The following ST8SIA1 variants were observed in gnomAD, a reference collection of about 807,000 sequenced individuals.
The protein encoded by ST8SIA1 is alpha-N-acetylneuraminide alpha-2,8-sialyltransferase.
Under a neutral mutation model 35.9 loss-of-function variants are expected in ST8SIA1, and 16 were observed. The ratio of observed to expected loss-of-function variants is 0.45; its 90% CI spans 0.30 to 0.68. The LOEUF (loss-of-function observed/expected upper bound fraction) is 0.68, where lower values mean the gene tolerates loss of function less well. Among genes scored for constraint, ST8SIA1 ranks in the 30% least tolerant of loss-of-function variants. The pLI, the probability that ST8SIA1 is intolerant of heterozygous loss-of-function variation, is 0.09. For missense variants in ST8SIA1, 383 were observed against 453.6 expected (o/e 0.84, Z 1.41); for synonymous variants, 170 against 169.6 (o/e 1.00, Z -0.02).
At chr12:22,230,677 C>A (rs1277270197) in intron 4 of ST8SIA1, among the ~76,000 whole-genome samples, 2 of 152,142 alleles carry the variant, frequency 1.3e-5, no homozygotes, top group Non-Finnish European at 2.9e-5. Flanking sequence ...TTATAAACTA[C>A]TAACATTTCA....
At chr12:22,333,937 G>T in intron 1 of ST8SIA1, 60 bp downstream of exon 1, 1 of 1,472,128 alleles carries the variant, frequency 6.8e-7, no homozygotes, top group Non-Finnish European at 9.5e-7. Context: ...CGGTGACCCT[G>T]TCCTCTGCAC....
At position 22,198,155 on chromosome 12, in the gene ST8SIA1, T is replaced by C. The variant is rs1865009655; in HGVS notation, c.*3397A>G. On this transcript the variant is annotated 3_prime_UTR_variant, in exon 5 of 5. Coordinates refer to ENST00000396037, the MANE Select transcript of ST8SIA1 (RefSeq NM_003034.4). ...AGTTTTTAGTCTCTTCACCCTTCCT[T>C]TTGCCCCTATGGATCAGCCTAATTT... The C allele has an allele frequency of 6.6e-6, 1 of 152,124 alleles. No individual in the cohort carries two copies. Among genetic ancestry groups the C allele is most frequent in the African/African-American group, 2.4e-5 (1 of 41,434 alleles). The allele number at this position is 152,124 out of a possible 1,614,324, so 9.4% of individuals were successfully genotyped here. A position where few individuals can be genotyped will look rare whatever the true frequency, so the allele number is the denominator to read the frequency against.
At chr12:22,282,385 C>T (rs769447176) in intron 2 of ST8SIA1, among the ~76,000 whole-genome samples, 93 of 152,298 alleles carry the variant, frequency 6.1e-4, no homozygotes, top group Non-Finnish European at 1.1e-3. Flanking sequence ...AGTTGACAAA[C>T]GCAAGGCATT....
chr12:22,230,241 A>T (rs1865403549), intron 4 of ST8SIA1, among the ~76,000 whole-genome samples: 1 of 152,206 alleles, frequency 6.6e-6, no homozygotes, highest in Non-Finnish European at 1.5e-5. Context: ...ATATTTGAGG[A>T]ATGAAATCTC....
chr12:22,293,216 C>CT, intron 1 of ST8SIA1, among the ~76,000 whole-genome samples: 1 of 152,320 alleles, frequency 6.6e-6, no homozygotes, highest in East Asian at 1.9e-4. Flanking sequence ...GTAGGCATGT[C>CT]TGTAGGACTG....
At chr12:22,254,876 A>C (rs183875878) in intron 3 of ST8SIA1, among the ~76,000 whole-genome samples, 3 of 152,356 alleles carry the variant, frequency 2.0e-5, no homozygotes, top group South Asian at 2.1e-4. Context: ...ATTTGATCAA[A>C]AACTAAGAAG....
At chr12:22,253,139 C>T (rs1003868366) in intron 3 of ST8SIA1, among the ~76,000 whole-genome samples, 1 of 152,126 alleles carries the variant, frequency 6.6e-6, no homozygotes, top group Non-Finnish European at 1.5e-5. Context: ...TGCCTACTCC[C>T]GCTTCCTCCT....
intron 4 of ST8SIA1, 62 bp from the exon 5 acceptor site, chr12:22,202,100 ACT>A: frequency 6.8e-7 from 1 of 1,466,010 alleles, no homozygotes; most frequent in Non-Finnish European, 9.0e-7. Flanking sequence ...ACCAAAACCC[ACT>A]CTGTTGTCTT....
intron 1 of ST8SIA1, among the ~76,000 whole-genome samples, chr12:22,330,097 C>T (rs1211398893): frequency 6.6e-6 from 1 of 152,160 alleles, no homozygotes; most frequent in African/African-American, 2.4e-5. Context: ...CAAATCTCTC[C>T]GCCTTGATCT....
chr12:22,271,566 C>T (rs2216227), intron 2 of ST8SIA1, among the ~76,000 whole-genome samples: 39,718 of 151,888 alleles, frequency 0.26, 5,357 homozygotes, highest in Middle Eastern at 0.38. Context: ...TGAAGGGAAA[C>T]GTAAGAAATT....
At chr12:22,211,110 T>C (rs1865171002) in intron 4 of ST8SIA1, among the ~76,000 whole-genome samples, 1 of 152,234 alleles carries the variant, frequency 6.6e-6, no homozygotes, top group Admixed American at 6.5e-5. Flanking sequence ...ATTTAATTTG[T>C]CTAAAGTTTT....
chr12:22,320,654 G>A (rs77224204), intron 1 of ST8SIA1, among the ~76,000 whole-genome samples: 56 of 151,950 alleles, frequency 3.7e-4, no homozygotes, highest in African/African-American at 1.3e-3. Flanking sequence ...AGACCAGCCC[G>A]GGCAACATAG....
chr12:22,217,207 T>TA (rs1219789390), intron 4 of ST8SIA1, among the ~76,000 whole-genome samples: 1 of 152,226 alleles, frequency 6.6e-6, no homozygotes, highest in Non-Finnish European at 1.5e-5. Context: ...GTTCATCTCT[T>TA]ATGGTCTCTC....
chr12:22,239,437 C>T (rs10841983), intron 4 of ST8SIA1, among the ~76,000 whole-genome samples: 113,921 of 152,028 alleles, frequency 0.75, 42,837 homozygotes, highest in Middle Eastern at 0.87. Flanking sequence ...AATTCTCTCT[C>T]CAGTTATGTC....
At chr12:22,282,404 G>A (rs1438222720) in intron 2 of ST8SIA1, among the ~76,000 whole-genome samples, 3 of 152,198 alleles carry the variant, frequency 2.0e-5, no homozygotes, top group Admixed American at 1.3e-4. Context: ...TTTGCCTAAA[G>A]CTGGAAAACT....
chr12:22,320,949 GAAAGAAAGAGAAAGAAAGAA>G (rs1473063745), intron 1 of ST8SIA1, among the ~76,000 whole-genome samples: 19 of 73,758 alleles, frequency 2.6e-4, no homozygotes, highest in South Asian at 8.2e-4. Context: ...AAGAAAGAAA[GAAAGAAAGAGAAAGAAAGAA>G]AGAAAGAAAG....
intron 2 of ST8SIA1, among the ~76,000 whole-genome samples, chr12:22,266,705 G>A (rs1242997471): frequency 1.3e-5 from 2 of 152,074 alleles, no homozygotes; most frequent in Non-Finnish European, 2.9e-5. Flanking sequence ...GCTGAGGTGG[G>A]AGGATCTGTT....
At chr12:22,290,605 A>T (rs1427048275) in intron 1 of ST8SIA1, among the ~76,000 whole-genome samples, 1 of 152,216 alleles carries the variant, frequency 6.6e-6, no homozygotes, top group African/African-American at 2.4e-5. Context: ...ATGTGCACAG[A>T]CATCTGTGGT....
chr12:22,250,018 GA>G (rs1865652164), intron 3 of ST8SIA1, among the ~76,000 whole-genome samples: 1 of 152,122 alleles, frequency 6.6e-6, no homozygotes, highest in Non-Finnish European at 1.5e-5. Context: ...ATCATCCAAA[GA>G]AATGCAGTGA....
Sources: gnomAD v4.1 joint callset for allele counts (sites outside exome capture counted in the v4.1 genomes callset) on GRCh38, gnomAD v4.1.1 for gene constraint, MANE v1.5 for transcripts, NCBI Gene and HGNC (gene_info 2026-07-23, HGNC 2026-07-21) for gene names.